BNC2: variants seen among roughly 807,000 people sequenced by gnomAD.
BNC2 encodes zinc finger protein basonuclin-2.
In BNC2, 20 loss-of-function variants were observed where a neutral mutation model predicts 76.3. The ratio of observed to expected loss-of-function variants is 0.26; its 90% CI spans 0.18 to 0.38. The LOEUF (loss-of-function observed/expected upper bound fraction) is 0.38. Ranked by LOEUF, BNC2 falls within the 10% of genes least tolerant of loss-of-function variation. The pLI is 1.00. For synonymous variants in BNC2, 582 were observed against 514.8 expected (o/e 1.13, Z -1.77); for missense variants, 1,382 against 1,399.8 (o/e 0.99, Z 0.20).
intron 3 of BNC2, among the ~76,000 whole-genome samples, chr9:16,708,706 G>T (rs1203401819): frequency 6.6e-6 from 1 of 152,084 alleles, no homozygotes; most frequent in Non-Finnish European, 1.5e-5. Context: ...AAAAAGCAGA[G>T]AAGGAGTCAG....
intron 1 of BNC2, among the ~76,000 whole-genome samples, chr9:16,787,324 C>T (rs1826322819): frequency 1.3e-5 from 2 of 152,156 alleles, no homozygotes; most frequent in African/African-American, 2.4e-5. Flanking sequence ...AAATGAAGAA[C>T]GGGGAAACAA....
intron 1 of BNC2, among the ~76,000 whole-genome samples, chr9:16,818,590 T>C (rs1273545984): frequency 6.6e-6 from 1 of 152,176 alleles, no homozygotes; most frequent in Non-Finnish European, 1.5e-5. Context: ...GCCATTATTA[T>C]GGTGATTATT....
intron 1 of BNC2, among the ~76,000 whole-genome samples, chr9:16,811,093 C>T (rs1451461607): frequency 6.6e-6 from 1 of 151,982 alleles, no homozygotes; most frequent in East Asian, 1.9e-4. Context: ...TGGCGGGCGC[C>T]TGTAGTCCCA....
At chr9:16,723,375 G>C (rs1016271881) in intron 3 of BNC2, among the ~76,000 whole-genome samples, 2 of 151,898 alleles carry the variant, frequency 1.3e-5, no homozygotes, top group Non-Finnish European at 2.9e-5. Flanking sequence ...ACAGAGTTTA[G>C]AATAAAAATG....
chr9:16,647,865 C>A (rs1409884071), intron 3 of BNC2, among the ~76,000 whole-genome samples: 1 of 152,124 alleles, frequency 6.6e-6, no homozygotes, highest in Non-Finnish European at 1.5e-5. Flanking sequence ...ATTAGCTAGT[C>A]TATTCCACTG....
chr9:16,723,537 T>C (rs1319203682), intron 3 of BNC2, among the ~76,000 whole-genome samples: 2 of 151,938 alleles, frequency 1.3e-5, no homozygotes, highest in African/African-American at 2.4e-5. Flanking sequence ...TTTAAAAATA[T>C]AGATTCCAGA....
chr9:16,707,937 G>A (rs184400958), intron 3 of BNC2, among the ~76,000 whole-genome samples: 18 of 152,144 alleles, frequency 1.2e-4, no homozygotes, highest in East Asian at 9.7e-4. Context: ...CCACCACGCC[G>A]GGCCAAAGTA....
chr9:16,526,608 TA>T (rs1817811930), intron 5 of BNC2, among the ~76,000 whole-genome samples: 1 of 149,882 alleles, frequency 6.7e-6, no homozygotes, highest in South Asian at 2.1e-4. Flanking sequence ...ACTAAAAGGG[TA>T]AAAAGCAATC....
chr9:16,843,243 T>C (rs1818878955), intron 1 of BNC2, among the ~76,000 whole-genome samples: 1 of 152,244 alleles, frequency 6.6e-6, no homozygotes, highest in Non-Finnish European at 1.5e-5. Context: ...GCCAATACTC[T>C]TTAAAAAGGG....
intron 3 of BNC2, among the ~76,000 whole-genome samples, chr9:16,611,753 C>T (rs1377011899): frequency 2.0e-5 from 3 of 152,134 alleles, no homozygotes; most frequent in African/African-American, 7.2e-5. Flanking sequence ...ATGTGTTTAT[C>T]AAATTCTCTG....
At chr9:16,554,750 C>T (rs183609355) in intron 4 of BNC2, among the ~76,000 whole-genome samples, 8 of 152,172 alleles carry the variant, frequency 5.3e-5, no homozygotes, top group African/African-American at 1.7e-4. Context: ...GGGCGATCTG[C>T]TCCTCCTCCA....
At chr9:16,572,474 A>T (rs1307093282) in intron 4 of BNC2, among the ~76,000 whole-genome samples, 1 of 152,198 alleles carries the variant, frequency 6.6e-6, no homozygotes. Flanking sequence ...TAGAGTTTCA[A>T]TAAACCTTTG....
intron 3 of BNC2, among the ~76,000 whole-genome samples, chr9:16,611,756 A>G (rs1318525214): frequency 6.6e-6 from 1 of 152,200 alleles, no homozygotes; most frequent in East Asian, 1.9e-4. Flanking sequence ...TGTTTATCAA[A>G]TTCTCTGGAA....
intron 3 of BNC2, among the ~76,000 whole-genome samples, chr9:16,713,854 C>A (rs912379048): frequency 2.0e-5 from 3 of 152,248 alleles, no homozygotes; most frequent in East Asian, 1.9e-4. Context: ...GTGGGCAGAT[C>A]GCTTGAGCTC....
At chr9:16,832,566 C>A (rs1818601023) in intron 1 of BNC2, among the ~76,000 whole-genome samples, 1 of 152,122 alleles carries the variant, frequency 6.6e-6, no homozygotes, top group Non-Finnish European at 1.5e-5. Context: ...CTATAATAAA[C>A]ACAGAATATT....
chr9:16,844,921 A>G (rs1371101322), intron 1 of BNC2, among the ~76,000 whole-genome samples: 1 of 152,324 alleles, frequency 6.6e-6, no homozygotes, highest in African/African-American at 2.4e-5. Context: ...AGTGTCCCTG[A>G]CCCACTAAAT....
chr9:16,641,349 G>C (rs1227254065), intron 3 of BNC2, among the ~76,000 whole-genome samples: 1 of 152,114 alleles, frequency 6.6e-6, no homozygotes, highest in Non-Finnish European at 1.5e-5. Flanking sequence ...AGATGAGTGG[G>C]ACATTTCTTC....
chr9:16,439,374 A>C (rs1321044529), intron 5 of BNC2, among the ~76,000 whole-genome samples: 1 of 152,232 alleles, frequency 6.6e-6, no homozygotes, highest in Non-Finnish European at 1.5e-5. Context: ...AGATTTATAA[A>C]AAATGAAGAA....
At chr9:16,453,680 C>T (rs189463367) in intron 5 of BNC2, among the ~76,000 whole-genome samples, 130 of 152,280 alleles carry the variant, frequency 8.5e-4, no homozygotes, top group African/African-American at 3.1e-3. Flanking sequence ...GGCCCAGTGT[C>T]TCATGCCTGT....
Sources: allele counts gnomAD v4.1 joint callset (sites outside exome capture counted in the v4.1 genomes callset), GRCh38; gene constraint gnomAD v4.1.1; transcripts MANE v1.5; gene names NCBI Gene and HGNC (gene_info 2026-07-23, HGNC 2026-07-21).